Variants in RRP1 observed in about 807,000 individuals in gnomAD.
RRP1 encodes ribosomal RNA processing 1.
RRP1 carries 37 observed loss-of-function variants against 54.6 expected under a neutral mutation model. The ratio of observed to expected loss-of-function variants is 0.68; its 90% CI spans 0.52 to 0.89. The LOEUF (loss-of-function observed/expected upper bound fraction) is 0.89. Among genes scored for constraint, RRP1 ranks in the 40% least tolerant of loss-of-function variants. The probability of loss-of-function intolerance (pLI) is 0.00; values close to 1 mark genes in which losing one functional copy is unlikely to be tolerated. For missense variants in RRP1, 639 were observed against 612.5 expected (o/e 1.04, Z -0.46); for synonymous variants, 262 against 244.3 (o/e 1.07, Z -0.67).
At chr21:43,791,572 G>A (rs2084959201) in intron 2 of RRP1, 140 bp downstream of exon 2, 5 of 720,686 alleles carry the variant, frequency 6.9e-6, no homozygotes, top group Non-Finnish European at 9.1e-6. Flanking sequence ...GCTCAATCTC[G>A]GCTTACTGCA....
chr21:43,800,549 T>C lies in RRP1; in HGVS notation c.924T>C (p.Phe308=), dbSNP rs1309611165. The C allele has an allele frequency of 6.2e-7, 1 of 1,614,232 alleles. No individual in the cohort carries two copies. Among genetic ancestry groups the C allele is most frequent in the South Asian group, 1.1e-5 (1 of 91,088 alleles). ...FDYEAVANRL[F]EMASRQSTPS... ...ACGAGGCAGTTGCTAACAGACTGTT[T>C]GAAATGGCCAGCCGCCAGAGCACCC... Residue 308 remains phenylalanine, a synonymous_variant, in exon 10 of 13, where the codon TTT becomes TTC. Coordinates refer to ENST00000497547, the MANE Select transcript of RRP1 (RefSeq NM_003683.6).
chr21:43,803,542 G>C lies in RRP1; in HGVS notation c.1154G>C (p.Gly385Ala). The change falls in exon 13 of 13, where the codon GGC (glycine) becomes GCC (alanine). Residue 385 changes from glycine (G) to alanine (A), a missense_variant. By Grantham distance (60) the Gly-to-Ala change is moderately conservative (BLOSUM62 0). Transcript: ENST00000497547. ...GKGEKEPPSP[G>A]MERKRSRRRG... Reference sequence around the variant, plus strand: ...GGTGAGAAGGAGCCCCCGAGCCCGGGCATGGAGAGGAAGAGGAGCAGGAGG... The same window carrying C: ...GGTGAGAAGGAGCCCCCGAGCCCGGCCATGGAGAGGAAGAGGAGCAGGAGG... 1 of 1,558,054 alleles carries C rather than the reference G, an allele frequency of 6.4e-7. No homozygotes were observed. Among genetic ancestry groups the C allele is most frequent in the Non-Finnish European group, 8.7e-7 (1 of 1,150,654 alleles).
Position 43,800,602 on chromosome 21 carries a change from A to G in RRP1, c.977A>G (p.Lys326Arg), listed in dbSNP as rs915770. 301,668 of 1,613,700 alleles carry G rather than the reference A, an allele frequency of 0.19. 31,070 individuals are homozygous for G. The highest frequency in any genetic ancestry group is 0.33 in the African/African-American group (24,595 of 75,010). Residue 326 changes from lysine (K) to arginine (R), a missense_variant, in exon 10 of 13, where the codon AAA becomes AGA. Coordinates refer to ENST00000497547, the MANE Select transcript of RRP1 (RefSeq NM_003683.6). ...TCTCAGAACAGAAAGCGTCTCTACA[A>G]AGTGATCCGGAAGTGAGTGTGTGAG... ...TPSQNRKRLYKVIRKLQDLAG... is the reference protein window; with the variant it reads ...TPSQNRKRLYRVIRKLQDLAG...
At chr21:43,793,450 TCA>T (rs1185111078) in intron 4 of RRP1, 46 bp downstream of exon 4, 1 of 1,543,816 alleles carries the variant, frequency 6.5e-7, no homozygotes, top group African/African-American at 1.4e-5. Flanking sequence ...AGCGCGGGTC[TCA>T]GTGCCTGGCC....
At chr21:43,802,757 C>CCTTCTTCCCTCCA (rs1004342641) in intron 12 of RRP1, among the ~76,000 whole-genome samples, 13 of 152,354 alleles carry the variant, frequency 8.5e-5, no homozygotes, top group African/African-American at 1.7e-4. Flanking sequence ...TCTTCCTTCC[C>CCTTCTTCCCTCCA]CTTCTTCCCT....
At position 43,801,161 on chromosome 21, in the gene RRP1, C is replaced by G. The variant is rs1165695377; in HGVS notation, c.1009+280C>G. ...GGGCTCCCAAGCACTGACCGCGGTG[C>G]TGCTGCTGGTCTGTTGGGCAGCACA... On this transcript the variant is annotated intron_variant, in intron 11 of 12. Coordinates refer to ENST00000497547, the MANE Select transcript of RRP1 (RefSeq NM_003683.6). Among the ~76,000 whole-genome samples the G allele has an allele frequency of 1.2e-4, 18 of 152,220 alleles. 1 individual carries two copies. Among genetic ancestry groups the G allele is most frequent in the Admixed American group, 1.2e-3 (18 of 15,288 alleles).
chr21:43,791,666 C>A (rs770752961), intron 2 of RRP1, among the ~76,000 whole-genome samples: 16 of 152,110 alleles, frequency 1.1e-4, no homozygotes, highest in Non-Finnish European at 2.1e-4. Flanking sequence ...CCATGCCTGG[C>A]TAATTTTTTG....
Position 43,789,602 on chromosome 21 carries a change from G to A in RRP1, c.-28G>A. ...AGTGTGCTGGGTACCAGGCGACTCCGGGACAGGGGGTCTCGGCCGTCGGCG... is the reference window on the plus strand; with the variant it reads ...AGTGTGCTGGGTACCAGGCGACTCCAGGACAGGGGGTCTCGGCCGTCGGCG... On this transcript the variant is annotated 5_prime_UTR_variant, in exon 1 of 13. Coordinates refer to ENST00000497547, the MANE Select transcript of RRP1 (RefSeq NM_003683.6). The A allele has an allele frequency of 1.3e-6, 2 of 1,580,868 alleles. No individual in the cohort carries two copies. Among genetic ancestry groups the A allele is most frequent in the Non-Finnish European group, 1.7e-6 (2 of 1,165,634 alleles).
chr21:43,798,219 C>T (rs761624784), intron 8 of RRP1, 119 bp downstream of exon 8: 2 of 810,958 alleles, frequency 2.5e-6, no homozygotes, highest in Non-Finnish European at 3.8e-6. Context: ...TGCCCCTCTC[C>T]ACAGTCCATC....
chr21:43,802,231 C>T (rs555630445), intron 11 of RRP1, 43 bp from the exon 12 acceptor site: 4 of 1,455,666 alleles, frequency 2.7e-6, no homozygotes, highest in South Asian at 1.1e-5. Context: ...AACCATAAGT[C>T]CCCAGCCCCC....
At chr21:43,793,284 C>T in intron 3 of RRP1, 35 bp from the exon 4 acceptor site, 1 of 1,602,228 alleles carries the variant, frequency 6.2e-7, no homozygotes, top group South Asian at 1.1e-5. Flanking sequence ...CTTCGTGCTC[C>T]TCAGTGGTTC....
At chr21:43,798,367 G>C (rs571712760) in intron 8 of RRP1, among the ~76,000 whole-genome samples, 1 of 152,202 alleles carries the variant, frequency 6.6e-6, no homozygotes, top group East Asian at 1.9e-4. Context: ...GGCTCAGTTG[G>C]CCCCCTAGAC....
At chr21:43,798,750 C>T (rs1025086675) in intron 8 of RRP1, among the ~76,000 whole-genome samples, 2 of 152,198 alleles carry the variant, frequency 1.3e-5, no homozygotes, top group South Asian at 2.1e-4. Context: ...TGTTTTGATG[C>T]TGCACTCATT....
chr21:43,795,122 T>A (rs1213362379), intron 4 of RRP1, 67 bp from the exon 5 acceptor site: 1 of 1,421,522 alleles, frequency 7.0e-7, no homozygotes, highest in Non-Finnish European at 9.9e-7. Context: ...TGGTGGTACA[T>A]GGGGATGGGT....
At chr21:43,802,506 G>A (rs2085105357) in intron 12 of RRP1, 119 bp downstream of exon 12, 2 of 774,080 alleles carry the variant, frequency 2.6e-6, no homozygotes. Flanking sequence ...CCCCCATCCT[G>A]GGTGCCTGCT....
chr21:43,803,716 C>T lies in RRP1; in HGVS notation c.1328C>T (p.Ala443Val), dbSNP rs1032713187. The T allele has an allele frequency of 1.3e-6, 2 of 1,562,700 alleles. No homozygotes were observed. Among genetic ancestry groups the T allele is most frequent in the Non-Finnish European group, 1.7e-6 (2 of 1,153,392 alleles). The change falls in exon 13 of 13, where the codon GCC becomes GTC. Residue 443 changes from alanine (A) to valine (V), a missense_variant. Coordinates refer to ENST00000497547, the MANE Select transcript of RRP1 (RefSeq NM_003683.6). ...AGGACACCTCGGCCCCTGACCAGTG[C>T]CCGAGCAAAGGCGGCCAATGTCCAG... ...RRRTPRPLTSARAKAANVQEP... is the reference protein window; with the variant it reads ...RRRTPRPLTSVRAKAANVQEP...
rs1291398276 is a variant in RRP1 at position 43,789,748 on chromosome 21, C to G, written c.119C>G (p.Thr40Ser). 6 of 1,522,274 alleles carry G rather than the reference C, an allele frequency of 3.9e-6. No homozygotes were observed. In the East Asian group the frequency reaches 1.6e-4, roughly 41 times the overall value. 94.3% of individuals were successfully genotyped at this position (1,522,274 alleles called of 1,614,324 possible). A position where few individuals can be genotyped will look rare whatever the true frequency, so the allele number is the denominator to read the frequency against. The change falls in exon 1 of 13, where the codon ACT becomes AGT. Residue 40 changes from threonine (T) to serine (S), a missense_variant. Transcript: ENST00000497547. ...RKLRKYIVARTQRAAGGFTHD... is the reference protein window; with the variant it reads ...RKLRKYIVARSQRAAGGFTHD... ...CTCCGGAAATACATCGTCGCCAGGA[C>G]TCAGCGGGCCGCAGGTTGGCGGGGG... is the stretch of plus-strand genomic sequence containing the variant.
In RRP1 at chr21:43,791,363, C is replaced by G; in HGVS notation, c.147C>G (p.His49Gln). The G allele has an allele frequency of 6.2e-7, 1 of 1,613,922 alleles. No individual in the cohort carries two copies. Among genetic ancestry groups the G allele is most frequent in the South Asian group, 1.1e-5 (1 of 91,064 alleles). Residue 49 changes from histidine to glutamine, a missense_variant, in exon 2 of 13, where the codon CAC (histidine) becomes CAG (glutamine). Transcript: ENST00000497547. The stretch of plus-strand genomic sequence containing the variant: ...GTTTTGATGCAGGTGGTTTTACGCA[C>G]GACGAGCTGCTGAAGGTGTGGAAAG... Reference protein sequence around the residue: ...RTQRAAGGFTHDELLKVWKGL... With the variant: ...RTQRAAGGFTQDELLKVWKGL...
intron 7 of RRP1, 56 bp downstream of exon 7, chr21:43,797,751 G>T: frequency 6.2e-7 from 1 of 1,601,154 alleles, no homozygotes; most frequent in East Asian, 2.2e-5. Context: ...CTTCCATGGG[G>T]CTGCTGTTGT....
Sources: gnomAD v4.1 joint callset for allele counts (sites outside exome capture counted in the v4.1 genomes callset) on GRCh38, gnomAD v4.1.1 for gene constraint, MANE v1.5 for transcripts, NCBI Gene and HGNC (gene_info 2026-07-23, HGNC 2026-07-21) for gene names.